EFCAB14: variants seen among roughly 807,000 people sequenced by gnomAD.
The protein encoded by EFCAB14 is EF-hand calcium-binding domain-containing protein 14.
Under a neutral mutation model 56.5 loss-of-function variants are expected in EFCAB14, and 43 were observed. That is an observed-to-expected ratio of 0.76 (90% CI 0.60 to 0.98). EFCAB14 has a LOEUF of 0.98. Among genes scored for constraint, EFCAB14 ranks in the 50% least tolerant of loss-of-function variants. The pLI is 0.00. For missense variants in EFCAB14, 538 were observed against 580.3 expected (o/e 0.93, Z 0.75); for synonymous variants, 235 against 212.9 (o/e 1.10, Z -0.90).
intron 10 of EFCAB14, 181 bp downstream of exon 10, chr1:46,683,119 T>TA: frequency 1.6e-6 from 1 of 636,086 alleles, no homozygotes; most frequent in Non-Finnish European, 2.5e-6. Flanking sequence ...GTATAATACA[T>TA]AAATACTTAT....
chr1:46,711,387 A>G (rs748836780), intron 2 of EFCAB14, among the ~76,000 whole-genome samples: 1 of 152,172 alleles, frequency 6.6e-6, no homozygotes, highest in African/African-American at 2.4e-5. Context: ...ATGAACTAGG[A>G]GGTAGGAGTG....
intron 4 of EFCAB14, among the ~76,000 whole-genome samples, chr1:46,696,156 T>C (rs1677075615): frequency 6.6e-6 from 1 of 151,974 alleles, no homozygotes; most frequent in African/African-American, 2.4e-5. Context: ...AACAGAGATT[T>C]AGGGTAACTA....
rs1160595739 is a variant in EFCAB14, at chr1:46,678,004, T to C, written c.*457A>G. The C allele has an allele frequency of 1.3e-5, 2 of 154,814 alleles. No individual in the cohort carries two copies. The highest frequency in any genetic ancestry group is 1.3e-4 in the Admixed American group (2 of 15,334). The allele number at this position is 154,814 out of a possible 1,614,324, so 9.6% of individuals were successfully genotyped here. On this transcript the variant is annotated 3_prime_UTR_variant, in exon 11 of 11. Transcript: ENST00000371933. ...TCCACACAATATGCACAATGCTTTC[T>C]TTCATTTAAATATTTACAAACAGAA...
At chr1:46,707,797 A>T in intron 3 of EFCAB14, 109 bp downstream of exon 3, 1 of 1,175,622 alleles carries the variant, frequency 8.5e-7, no homozygotes, top group Non-Finnish European at 1.1e-6. Context: ...TCAAAAAGTA[A>T]AACAAACTGA....
Position 46,716,419 on chromosome 1 carries a change from C to A in EFCAB14, c.210G>T (p.Lys70Asn). The part of the protein sequence containing the change: ...FAKGDYLRCC[K>N]ICYPLCGFVI... ...CAAAACCACAGAGCGGATAACAGAT[C>A]TTGCAGCATCGTAAATAGTCTCCCC... is the stretch of plus-strand genomic sequence containing the variant. Residue 70 changes from lysine to asparagine, a missense_variant, in exon 2 of 11, where the codon AAG becomes AAT. Physicochemically the swap from Lys to Asn is moderately conservative, Grantham distance 94 (BLOSUM62 0). Coordinates refer to ENST00000371933, the MANE Select transcript of EFCAB14 (RefSeq NM_014774.3). 1 of 1,614,114 alleles carries A rather than the reference C, an allele frequency of 6.2e-7. No individual in the cohort carries two copies. Among genetic ancestry groups the A allele is most frequent in the Non-Finnish European group, 8.5e-7 (1 of 1,180,022 alleles).
rs3991763 is a variant in EFCAB14 at position 46,700,986 on chromosome 1, A to AGTGTGTGTGTGTGTGTGT, written c.481-4355_481-4338dup. On this transcript the variant is annotated intron_variant, in intron 3 of 10. Transcript: ENST00000371933. ...GAGAGAGAGAGAGAGAGAGTGAGTG[A>AGTGTGTGTGTGTGTGTGT]GTGTGTGTGTGTGTGTGTGTGTGTG... Among the ~76,000 whole-genome samples the AGTGTGTGTGTGTGTGTGT allele has an allele frequency of 3.5e-3, 500 of 142,884 alleles. 2 individuals carry two copies. The highest frequency in any genetic ancestry group is 0.022 in the Admixed American group (302 of 14,044). The allele number at this position is 142,884 out of a possible 152,430, so 93.7% of individuals were successfully genotyped here.
chr1:46,705,392 AT>A, intron 3 of EFCAB14, among the ~76,000 whole-genome samples: 1 of 152,256 alleles, frequency 6.6e-6, no homozygotes, highest in Non-Finnish European at 1.5e-5. Context: ...TTTCCTATTT[AT>A]AGCAGGTTCT....
At chr1:46,694,951 C>G (rs1677056685) in intron 4 of EFCAB14, among the ~76,000 whole-genome samples, 2 of 151,876 alleles carry the variant, frequency 1.3e-5, no homozygotes, top group African/African-American at 4.8e-5. Context: ...AGCTGGAAAC[C>G]ATCATTCTCA....
chr1:46,685,188 A>G (rs1201529092), intron 8 of EFCAB14: 1 of 152,234 alleles, frequency 6.6e-6, no homozygotes, highest in Non-Finnish European at 1.5e-5. Flanking sequence ...TCTAATTCAA[A>G]GTCTTGCTTG....
chr1:46,695,608 G>GGT (rs1438600501), intron 4 of EFCAB14, among the ~76,000 whole-genome samples: 4 of 152,088 alleles, frequency 2.6e-5, no homozygotes, highest in Non-Finnish European at 5.9e-5. Context: ...CCACCGTTTG[G>GGT]GGAATCCCTT....
intron 10 of EFCAB14, chr1:46,682,200 A>G (rs981221946): frequency 1.3e-5 from 2 of 152,268 alleles, no homozygotes; most frequent in African/African-American, 4.8e-5. Context: ...ACAGAGTGAC[A>G]TGTGCTAAAC....
At chr1:46,702,180 A>G (rs927454625) in intron 3 of EFCAB14, among the ~76,000 whole-genome samples, 10 of 152,250 alleles carry the variant, frequency 6.6e-5, no homozygotes, top group Middle Eastern at 3.2e-3. Flanking sequence ...CATTAGAAAA[A>G]TTAAAAATAG....
intron 4 of EFCAB14, 134 bp from the exon 5 acceptor site, chr1:46,692,071 A>C (rs1677001890): frequency 1.6e-6 from 1 of 617,418 alleles, no homozygotes; most frequent in African/African-American, 1.9e-5. Flanking sequence ...ACTACAATCA[A>C]GATAATAAAC....
intron 2 of EFCAB14, 111 bp from the exon 3 acceptor site, chr1:46,708,162 C>T (rs1169104940): frequency 1.9e-6 from 2 of 1,051,138 alleles, no homozygotes; most frequent in Non-Finnish European, 2.6e-6. Context: ...AAAGTTAATT[C>T]TGACATTGTT....
In EFCAB14 at chr1:46,686,777, T is replaced by G; in HGVS notation, c.1074+7A>C. On this transcript the variant is annotated splice_region_variant and intron_variant, in intron 8 of 10. Coordinates refer to ENST00000371933, the MANE Select transcript of EFCAB14 (RefSeq NM_014774.3). The stretch of plus-strand genomic sequence containing the variant: ...TTTTACTTCAGGGTAAGCCTCCCAT[T>G]ATTTACCTTTATGCTTTGGATTTTT... 2 of 1,613,294 alleles carry G rather than the reference T, an allele frequency of 1.2e-6. No individual in the cohort carries two copies. The highest frequency in any genetic ancestry group is 1.7e-6 in the Non-Finnish European group (2 of 1,179,472).
intron 7 of EFCAB14, among the ~76,000 whole-genome samples, 186 bp downstream of exon 7, chr1:46,688,167 T>C (rs1230833975): frequency 6.6e-6 from 1 of 152,182 alleles, no homozygotes; most frequent in African/African-American, 2.4e-5. Flanking sequence ...GGACAAACAC[T>C]GCCTGGCCAT....
intron 6 of EFCAB14, 133 bp downstream of exon 6, chr1:46,689,453 TC>T (rs1353038505): frequency 1.3e-6 from 1 of 764,538 alleles, no homozygotes; most frequent in Admixed American, 2.3e-5. Context: ...CACACATTCC[TC>T]TCTGCTCAGC....
intron 2 of EFCAB14, among the ~76,000 whole-genome samples, chr1:46,710,208 T>TA (rs1056481077): frequency 3.3e-5 from 5 of 151,812 alleles, no homozygotes; most frequent in East Asian, 1.9e-4. Flanking sequence ...GCTTTAAAAT[T>TA]AAAAAAAAAT....
intron 3 of EFCAB14, among the ~76,000 whole-genome samples, chr1:46,703,541 T>C (rs1402521576): frequency 6.6e-6 from 1 of 152,182 alleles, no homozygotes. Context: ...CCATAACTCA[T>C]GCCTGAAAGA....
Sources: gnomAD v4.1 joint callset for allele counts (sites outside exome capture counted in the v4.1 genomes callset) on GRCh38, gnomAD v4.1.1 for gene constraint, MANE v1.5 for transcripts, NCBI Gene and HGNC (gene_info 2026-07-23, HGNC 2026-07-21) for gene names.